Variants in NALF1 observed in about 807,000 individuals in gnomAD.
NALF1 encodes the protein NALCN channel auxiliary factor 1.
NALF1 carries 3 observed loss-of-function variants against 48.4 expected under a neutral mutation model. The ratio of observed to expected loss-of-function variants is 0.06; its 90% confidence interval spans 0.03 to 0.16. The LOEUF (loss-of-function observed/expected upper bound fraction) is 0.16. NALF1 is among the 10% of genes least tolerant of loss of function. The probability of loss-of-function intolerance (pLI) is 1.00; values close to 1 mark genes in which losing one functional copy is unlikely to be tolerated. For synonymous variants in NALF1, 262 were observed against 245.7 expected, an observed-to-expected ratio of 1.07 and a Z score of -0.62; for missense variants, 526 against 571.5, an observed-to-expected ratio of 0.92 and a Z score of 0.81.
intron 1 of NALF1, among the ~76,000 whole-genome samples, chr13:107,707,842 G>T (rs1444603356): frequency 6.6e-6 from 1 of 152,092 alleles, no homozygotes; most frequent in African/African-American, 2.4e-5. Flanking sequence ...TCTTTTGCTT[G>T]CAAATAATAA....
At chr13:107,763,471 C>CA (rs750250035) in intron 1 of NALF1, among the ~76,000 whole-genome samples, 5,648 of 79,026 alleles carry the variant, frequency 0.071, 458 homozygotes, top group East Asian at 0.5. Context: ...TATTAAAATT[C>CA]AAAAAAAAAA....
chr13:107,604,865 CA>C (rs1879023658), intron 1 of NALF1, among the ~76,000 whole-genome samples: 1 of 152,060 alleles, frequency 6.6e-6, no homozygotes, highest in Non-Finnish European at 1.5e-5. Context: ...TCATGTTAGC[CA>C]TGAGATCGTG....
intron 1 of NALF1, among the ~76,000 whole-genome samples, chr13:107,258,849 T>C (rs1179181478): frequency 1.4e-5 from 2 of 140,310 alleles, no homozygotes; most frequent in East Asian, 4.0e-4. Context: ...GAATTGAGGA[T>C]GTTTAGATGG....
intron 1 of NALF1, among the ~76,000 whole-genome samples, chr13:107,314,100 T>C (rs1882097829): frequency 6.6e-6 from 1 of 152,094 alleles, no homozygotes; most frequent in Non-Finnish European, 1.5e-5. Flanking sequence ...AACCAAAAGG[T>C]ACAACAGCAA....
At chr13:107,684,910 C>A (rs1011318265) in intron 1 of NALF1, among the ~76,000 whole-genome samples, 2 of 152,194 alleles carry the variant, frequency 1.3e-5, no homozygotes, top group Admixed American at 6.5e-5. Flanking sequence ...CCTAGTTACA[C>A]CCTTTCCTTC....
At chr13:107,829,818 G>A (rs1182891100) in intron 1 of NALF1, among the ~76,000 whole-genome samples, 1 of 152,090 alleles carries the variant, frequency 6.6e-6, no homozygotes, top group African/African-American at 2.4e-5. Flanking sequence ...TATAAGTTTT[G>A]TATTGTAATA....
At chr13:107,322,213 C>T (rs1882270711) in intron 1 of NALF1, among the ~76,000 whole-genome samples, 1 of 152,102 alleles carries the variant, frequency 6.6e-6, no homozygotes, top group Non-Finnish European at 1.5e-5. Context: ...TCTTCAACAA[C>T]ATTTTCTAGG....
chr13:107,516,325 T>C lies in NALF1; in HGVS notation c.916-305570A>G, dbSNP rs140494783. Among the ~76,000 whole-genome samples the C allele has an allele frequency of 1.8e-3, 278 of 152,242 alleles. 1 individual carries two copies. The highest frequency in any genetic ancestry group is 6.5e-3 in the African/African-American group (269 of 41,540). ...TAACTCATCAGTGTGGCAGAAAGCA[T>C]TGTGTGAAGGCAAAAAGCATGTGGT... On this transcript the variant is annotated intron_variant, in intron 1 of 2. Transcript: ENST00000375915.
chr13:107,194,847 C>T (rs1486415641), intron 2 of NALF1, among the ~76,000 whole-genome samples: 1 of 152,120 alleles, frequency 6.6e-6, no homozygotes, highest in East Asian at 1.9e-4. Context: ...CCAGAATCTA[C>T]AAAGAACTCA....
At chr13:107,811,223 G>A (rs571385995) in intron 1 of NALF1, among the ~76,000 whole-genome samples, 13 of 152,178 alleles carry the variant, frequency 8.5e-5, no homozygotes, top group African/African-American at 3.1e-4. Flanking sequence ...ATAATTAATT[G>A]CTACTGAAAC....
intron 1 of NALF1, among the ~76,000 whole-genome samples, chr13:107,663,778 AT>A (rs2138479382): frequency 6.6e-6 from 1 of 152,244 alleles, no homozygotes; most frequent in East Asian, 1.9e-4. Flanking sequence ...GATTTTCACA[AT>A]TGATCCCTTC....
At chr13:107,779,130 T>C (rs949185434) in intron 1 of NALF1, among the ~76,000 whole-genome samples, 2 of 152,220 alleles carry the variant, frequency 1.3e-5, no homozygotes, top group Non-Finnish European at 2.9e-5. Context: ...GCTTTATGCT[T>C]TTCTCATGCA....
intron 1 of NALF1, among the ~76,000 whole-genome samples, chr13:107,316,512 C>T (rs900385346): frequency 6.6e-6 from 1 of 152,186 alleles, no homozygotes; most frequent in African/African-American, 2.4e-5. Flanking sequence ...ACAGTCCCAC[C>T]AACAGTGTAA....
intron 1 of NALF1, among the ~76,000 whole-genome samples, chr13:107,748,939 G>T (rs1482709537): frequency 6.6e-6 from 1 of 152,104 alleles, no homozygotes; most frequent in Non-Finnish European, 1.5e-5. Flanking sequence ...CAATACACAT[G>T]AGGAATGCTG....
At chr13:107,618,299 T>C (rs770996301) in intron 1 of NALF1, among the ~76,000 whole-genome samples, 4 of 152,122 alleles carry the variant, frequency 2.6e-5, no homozygotes, top group East Asian at 3.9e-4. Flanking sequence ...AGGAAAGAAA[T>C]TGTTATAAAC....
intron 1 of NALF1, among the ~76,000 whole-genome samples, chr13:107,341,038 C>T (rs982140298): frequency 6.6e-6 from 1 of 151,850 alleles, no homozygotes; most frequent in African/African-American, 2.4e-5. Flanking sequence ...CCTAGTATCA[C>T]CCCCCACCGC....
At chr13:107,307,380 T>C (rs1011958210) in intron 1 of NALF1, among the ~76,000 whole-genome samples, 2 of 152,158 alleles carry the variant, frequency 1.3e-5, no homozygotes, top group African/African-American at 2.4e-5. Context: ...GTCATCAGGA[T>C]AGCATCCCTG....
intron 1 of NALF1, among the ~76,000 whole-genome samples, chr13:107,641,694 G>C (rs1487413917): frequency 2.0e-5 from 3 of 152,100 alleles, no homozygotes; most frequent in African/African-American, 4.8e-5. Flanking sequence ...TGAATAGTCG[G>C]AGTCTCTAAG....
At chr13:107,609,374 C>T (rs776697134) in intron 1 of NALF1, among the ~76,000 whole-genome samples, 1 of 152,152 alleles carries the variant, frequency 6.6e-6, no homozygotes, top group Non-Finnish European at 1.5e-5. Context: ...CAACCAGTCC[C>T]GGGTGAGATC....
Sources: allele counts gnomAD v4.1 joint callset (sites outside exome capture counted in the v4.1 genomes callset), GRCh38; gene constraint gnomAD v4.1.1; transcripts MANE v1.5; gene names NCBI Gene and HGNC (gene_info 2026-07-23, HGNC 2026-07-21).